Variants in IQSEC1 observed in about 807,000 individuals in gnomAD.
IQSEC1 encodes IQ motif and Sec7 domain ArfGEF 1.
A neutral mutation model predicts 91.0 loss-of-function variants in IQSEC1; 31 were observed. The observed-to-expected ratio is 0.34, with a 90% confidence interval of 0.26 to 0.46. IQSEC1 has a LOEUF of 0.46. Among genes scored for constraint, IQSEC1 ranks in the 20% least tolerant of loss-of-function variants. IQSEC1 has a pLI of 1.00. For missense variants in IQSEC1, 1,388 were observed against 1,575.6 expected, an observed-to-expected ratio of 0.88 and a Z score of 2.02; for synonymous variants, 699 against 662.6, an observed-to-expected ratio of 1.05 and a Z score of -0.84.
intron 1 of IQSEC1, among the ~76,000 whole-genome samples, chr3:13,056,410 C>T (rs1383802200): frequency 6.6e-6 from 1 of 152,106 alleles, no homozygotes; most frequent in Non-Finnish European, 1.5e-5. Context: ...GGGGTCCTTC[C>T]TGGGTTTTCA....
Position 12,967,830 on chromosome 3 carries a change from G to A in IQSEC1, c.24-25965C>T, listed in dbSNP as rs1033794689. 5 of 340,428 alleles carry A rather than the reference G, an allele frequency of 1.5e-5. No homozygotes were observed. Among genetic ancestry groups the A allele is most frequent in the African/African-American group, 2.3e-5 (1 of 43,118 alleles). 21.1% of individuals were successfully genotyped at this position (340,428 alleles called of 1,614,324 possible). The stretch of plus-strand genomic sequence containing the variant: ...GCGCGCGGGGGCGAGACTGCACGGA[G>A]CGTGTGGGGAAGAGAGCACAGGAGG... On this transcript the variant is annotated intron_variant, in intron 1 of 13. Transcript: ENST00000613206. This position sits in a 1 kb window ranked among gnomAD's most constrained non-coding sequence, Gnocchi z 5.9.
rs572984355 is a variant in IQSEC1, at chr3:12,992,935, C to T, written c.24-51070G>A. Among the ~76,000 whole-genome samples the T allele has an allele frequency of 6.6e-6, 1 of 152,296 alleles. No individual in the cohort carries two copies. The highest frequency in any genetic ancestry group is 2.1e-4 in the South Asian group (1 of 4,824). On this transcript the variant is annotated intron_variant, in intron 1 of 13. Coordinates refer to ENST00000613206, the MANE Select transcript of IQSEC1 (RefSeq NM_001134382.3). The surrounding 1 kb of genome is among the most constrained non-coding windows in gnomAD (Gnocchi z 4.1). ...GCTTGACTCACCTCTGCCAACCCAC[C>T]CTGCCTGCTTAGAGCCCAAGGGCAG...
chr3:13,223,036 G>A (rs1267866006), intron 1 of IQSEC1, among the ~76,000 whole-genome samples: 1 of 152,242 alleles, frequency 6.6e-6, no homozygotes, highest in Non-Finnish European at 1.5e-5. Context: ...CAGACAGGTT[G>A]AGAACTGTGG....
chr3:13,050,387 C>T (rs893916051), intron 1 of IQSEC1, among the ~76,000 whole-genome samples: 5 of 151,948 alleles, frequency 3.3e-5, no homozygotes, highest in Admixed American at 6.6e-5. Context: ...TGGAACCAAC[C>T]CCAACTTGTG....
At chr3:13,114,613 G>A (rs1412528017) in intron 2 of IQSEC1, among the ~76,000 whole-genome samples, 1 of 152,038 alleles carries the variant, frequency 6.6e-6, no homozygotes, top group African/African-American at 2.4e-5. Flanking sequence ...GCAACATGGT[G>A]AAACCCTGTC....
chr3:13,105,775 G>C (rs774437726), intron 2 of IQSEC1, among the ~76,000 whole-genome samples: 1 of 152,112 alleles, frequency 6.6e-6, no homozygotes, highest in Non-Finnish European at 1.5e-5. Context: ...CTGGCCATGG[G>C]GATGTGTGCA....
rs768608622 is a variant in IQSEC1 at position 12,935,980 on chromosome 3, G to C, written c.1036C>G (p.Arg346Gly). 6.3e-7 allele frequency: 1 copy of C among 1,599,272 alleles called. No individual in the cohort carries two copies. Among genetic ancestry groups the C allele is most frequent in the African/African-American group, 1.3e-5 (1 of 74,914 alleles). The change falls in exon 3 of 14, where the codon CGG becomes GGG. Residue 346 changes from arginine (R) to glycine (G), a missense_variant. Transcript: ENST00000613206. The surrounding 1 kb of genome is among the most constrained non-coding windows in gnomAD (Gnocchi z 8.0). Reference sequence around the variant, plus strand: ...TGCCGCTCCAGCGACGGCGTGCTCCGGCAGCTCGTGTCCGTGTCAGCCTTG... The same window carrying C: ...TGCCGCTCCAGCGACGGCGTGCTCCCGCAGCTCGTGTCCGTGTCAGCCTTG... Reference protein sequence around the residue: ...EDKADTDTSCRSTPSLERQEQ... With the variant: ...EDKADTDTSCGSTPSLERQEQ...
intron 1 of IQSEC1, among the ~76,000 whole-genome samples, chr3:13,009,722 T>C (rs79206401): frequency 0.029 from 4,485 of 152,164 alleles, 256 homozygotes; most frequent in African/African-American, 0.1. Flanking sequence ...TTATCAGATA[T>C]CTTATCTATA....
intron 1 of IQSEC1, among the ~76,000 whole-genome samples, chr3:13,195,559 T>C (rs1029771935): frequency 6.6e-6 from 1 of 152,220 alleles, no homozygotes; most frequent in Non-Finnish European, 1.5e-5. Context: ...GAATTATGGA[T>C]ACACACGACA....
intron 1 of IQSEC1, among the ~76,000 whole-genome samples, chr3:13,246,050 T>C (rs1695103515): frequency 6.6e-6 from 1 of 152,200 alleles, no homozygotes; most frequent in Admixed American, 6.5e-5. Context: ...TACTTTAAAA[T>C]AGGTGTTTTC....
intron 1 of IQSEC1, among the ~76,000 whole-genome samples, chr3:12,990,754 T>C (rs997911841): frequency 6.6e-6 from 1 of 152,212 alleles, no homozygotes; most frequent in African/African-American, 2.4e-5. Context: ...TGGTGCAGCA[T>C]CCTACATCAT....
At chr3:13,072,167 C>T (rs989119753) in intron 1 of IQSEC1, among the ~76,000 whole-genome samples, 1 of 152,214 alleles carries the variant, frequency 6.6e-6, no homozygotes, top group African/African-American at 2.4e-5. Flanking sequence ...CTGCACAGCC[C>T]CAAATGAGTG....
At chr3:13,226,657 T>G (rs867468872) in intron 1 of IQSEC1, among the ~76,000 whole-genome samples, 1 of 152,084 alleles carries the variant, frequency 6.6e-6, no homozygotes, top group South Asian at 2.1e-4. Context: ...GCAGCTGCTG[T>G]GCCTGATTCT....
In IQSEC1 at chr3:12,935,729, C is replaced by A; in HGVS notation, c.1287G>T (p.Arg429Ser). The A allele has an allele frequency of 1.2e-6, 2 of 1,612,052 alleles. No individual in the cohort carries two copies. The highest frequency in any genetic ancestry group is 1.7e-6 in the Non-Finnish European group (2 of 1,179,942). ...EEPELRPRPPRPLDSHLAING... is the reference protein window; with the variant it reads ...EEPELRPRPPSPLDSHLAING... ...TGATGGCCAAGTGGCTGTCCAGGGG[C>A]CTGGGGGGCCGGGGCCGCAACTCAG... is the stretch of plus-strand genomic sequence containing the variant. Residue 429 changes from arginine (R) to serine (S), a missense_variant, in exon 3 of 14, where the codon AGG (arginine) becomes AGT (serine). Arg to Ser is a moderately radical substitution (Grantham distance 110). Transcript: ENST00000613206. This position sits in a 1 kb window ranked among gnomAD's most constrained non-coding sequence, Gnocchi z 8.0.
intron 1 of IQSEC1, among the ~76,000 whole-genome samples, chr3:12,990,693 G>T (rs764237194): frequency 6.6e-6 from 1 of 152,156 alleles, no homozygotes; most frequent in Non-Finnish European, 1.5e-5. Context: ...ACACAGACTG[G>T]TAAACTGCTG....
At position 12,900,568 on chromosome 3, in the gene IQSEC1, T is replaced by G. The variant is rs1222641555; in HGVS notation, c.*415A>C. On this transcript the variant is annotated 3_prime_UTR_variant, in exon 14 of 14. Transcript: ENST00000613206. ...CCCATTGTCAATAAAAGAGCAATAA[T>G]GCAGCAAGTTTTGGGGTTTGTTTTG... The G allele has an allele frequency of 2.0e-6, 2 of 1,001,902 alleles. No individual in the cohort carries two copies. The highest frequency in any genetic ancestry group is 2.4e-6 in the Non-Finnish European group (2 of 840,130). 62.1% of individuals were successfully genotyped at this position (1,001,902 alleles called of 1,614,324 possible).
rs372100341 is a variant in IQSEC1 at position 13,266,855 on chromosome 3, C to T, written c.272+15856G>A. Among the ~76,000 whole-genome samples, 4 of 152,280 alleles carry T rather than the reference C, an allele frequency of 2.6e-5. No individual in the cohort carries two copies. The East Asian group carries it at 5.8e-4, about 22-fold the overall frequency. ...CAAGCTCTTATCTCAGCCCCCAAAA[C>T]GGGGTGCTCCAGGGGCACATCTGCT... On this transcript the variant is annotated intron_variant, in intron 1 of 15. Coordinates refer to the IQSEC1 transcript ENST00000648114.
intron 1 of IQSEC1, among the ~76,000 whole-genome samples, chr3:13,015,056 A>AG (rs906575423): frequency 6.6e-5 from 10 of 152,240 alleles, no homozygotes; most frequent in African/African-American, 2.4e-4. Flanking sequence ...CATAGGGTTG[A>AG]GGGGGGCAGC....
chr3:13,072,948 C>T (rs1263747878), intron 1 of IQSEC1, 44 bp downstream of exon 1: 1 of 1,529,306 alleles, frequency 6.5e-7, no homozygotes, highest in East Asian at 2.4e-5. Flanking sequence ...AGCCGGGCCC[C>T]TCTGGCCTCT....
Sources: gnomAD v4.1 joint callset for allele counts (sites outside exome capture counted in the v4.1 genomes callset) on GRCh38, gnomAD v4.1.1 for gene constraint, Gnocchi (gnomAD v3.1) non-coding constraint, MANE v1.5 for transcripts, NCBI Gene and HGNC (gene_info 2026-07-23, HGNC 2026-07-21) for gene names.